The following SGK3 variants were observed in gnomAD, a reference collection of about 807,000 sequenced individuals.
SGK3 encodes the protein serine/threonine-protein kinase Sgk3.
A neutral mutation model predicts 68.5 loss-of-function variants in SGK3; 47 were observed. That is an observed-to-expected ratio of 0.69 (90% confidence interval 0.54 to 0.87). The LOEUF is 0.87. SGK3 is among the 40% of genes least tolerant of loss of function. SGK3 has a pLI of 0.00. For missense variants in SGK3, 479 were observed against 575.5 expected, an observed-to-expected ratio of 0.83 and a Z score of 1.72; for synonymous variants, 181 against 189.1, an observed-to-expected ratio of 0.96 and a Z score of 0.35.
intron 1 of SGK3, among the ~76,000 whole-genome samples, chr8:66,720,937 C>A (rs1257892033): frequency 3.3e-5 from 5 of 151,976 alleles, no homozygotes; most frequent in South Asian, 2.1e-4. Context: ...CAGAGTGAGA[C>A]CCTGTCTCAC....
intron 1 of SGK3, among the ~76,000 whole-genome samples, chr8:66,749,658 T>C (rs1256445467): frequency 6.6e-6 from 1 of 152,126 alleles, no homozygotes; most frequent in Non-Finnish European, 1.5e-5. Flanking sequence ...GGTTTGATAA[T>C]GTTATATCAA....
chr8:66,713,881 TTGGCTACCACTTCTG>T (rs1220718877), intron 1 of SGK3, among the ~76,000 whole-genome samples: 10 of 152,216 alleles, frequency 6.6e-5, no homozygotes, highest in Non-Finnish European at 1.0e-4. Context: ...TCTGGTCCCC[TTGGCTACCACTTCTG>T]TAAGACAAGC....
intron 1 of SGK3, among the ~76,000 whole-genome samples, chr8:66,756,165 C>A (rs370578932): frequency 3.7e-4 from 56 of 152,142 alleles, no homozygotes; most frequent in African/African-American, 1.3e-3. Context: ...TGTGAGGACA[C>A]AGGGAGAAGG....
chr8:66,793,911 TAG>T, intron 2 of SGK3, 79 bp downstream of exon 2: 2 of 1,434,900 alleles, frequency 1.4e-6, no homozygotes, highest in South Asian at 2.5e-5. Flanking sequence ...TTCTCCAACC[TAG>T]AACACCCCCT....
chr8:66,854,659 A>G (rs1810432160), intron 16 of SGK3, among the ~76,000 whole-genome samples: 1 of 152,168 alleles, frequency 6.6e-6, no homozygotes, highest in Non-Finnish European at 1.5e-5. Flanking sequence ...AGGGATTACT[A>G]TGAAAATACA....
chr8:66,717,476 C>T (rs1019670125), intron 1 of SGK3, among the ~76,000 whole-genome samples: 4 of 152,004 alleles, frequency 2.6e-5, no homozygotes, highest in Non-Finnish European at 5.9e-5. Context: ...TTGCAGTGAG[C>T]GAGATCGCAC....
intron 2 of SGK3, among the ~76,000 whole-genome samples, chr8:66,795,726 T>A (rs1367134664): frequency 6.6e-6 from 1 of 152,180 alleles, no homozygotes; most frequent in Non-Finnish European, 1.5e-5. Flanking sequence ...CCTATCTAAA[T>A]CACCTTATTC....
chr8:66,762,939 A>G (rs1806216840), intron 1 of SGK3, among the ~76,000 whole-genome samples: 1 of 152,258 alleles, frequency 6.6e-6, no homozygotes, highest in Non-Finnish European at 1.5e-5. Context: ...TGGCAAGAAT[A>G]CTGCATAGTG....
chr8:66,742,092 A>G (rs1805497718), intron 1 of SGK3, among the ~76,000 whole-genome samples: 1 of 152,214 alleles, frequency 6.6e-6, no homozygotes, highest in Non-Finnish European at 1.5e-5. Flanking sequence ...AGAGCCCCAG[A>G]TGCTTAAAAA....
intron 5 of SGK3, among the ~76,000 whole-genome samples, chr8:66,814,475 A>T (rs1331400021): frequency 6.6e-6 from 1 of 152,234 alleles, no homozygotes; most frequent in Non-Finnish European, 1.5e-5. Flanking sequence ...GAAAAAAAGA[A>T]GGCTTTCCAG....
chr8:66,754,514 C>T (rs1805915477), intron 1 of SGK3, among the ~76,000 whole-genome samples: 1 of 152,074 alleles, frequency 6.6e-6, no homozygotes. Context: ...TTTTGGATTT[C>T]GGGTATTTAC....
At chr8:66,836,309 G>A (rs2130710322) in intron 10 of SGK3, among the ~76,000 whole-genome samples, 1 of 152,270 alleles carries the variant, frequency 6.6e-6, no homozygotes, top group East Asian at 1.9e-4. Context: ...TGGCTTCATG[G>A]ACAGGTTTGT....
At chr8:66,745,069 C>T (rs1805614497) in intron 1 of SGK3, among the ~76,000 whole-genome samples, 1 of 151,728 alleles carries the variant, frequency 6.6e-6, no homozygotes, top group Non-Finnish European at 1.5e-5. Context: ...ATACATATAC[C>T]TTCTATCTCT....
intron 10 of SGK3, 150 bp from the exon 11 acceptor site, chr8:66,839,853 C>T: frequency 1.5e-6 from 1 of 664,820 alleles, no homozygotes; most frequent in East Asian, 2.9e-5. Context: ...AGGGGAGTCA[C>T]ATTTCTGTGC....
At chr8:66,721,061 C>T (rs1221011266) in intron 1 of SGK3, among the ~76,000 whole-genome samples, 3 of 152,210 alleles carry the variant, frequency 2.0e-5, no homozygotes, top group Admixed American at 2.0e-4. Flanking sequence ...GCACCGCCAC[C>T]AATGGTGGGA....
intron 14 of SGK3, among the ~76,000 whole-genome samples, chr8:66,843,925 CAG>C (rs1475786896): frequency 7.5e-6 from 1 of 132,586 alleles, no homozygotes; most frequent in African/African-American, 2.9e-5. Flanking sequence ...ACCCAGGAGG[CAG>C]AGTTTGCAGT....
intron 1 of SGK3, among the ~76,000 whole-genome samples, chr8:66,751,739 TCA>T (rs1418156537): frequency 4.0e-5 from 6 of 150,840 alleles, no homozygotes; most frequent in Non-Finnish European, 5.9e-5. Flanking sequence ...TAAAAATCAT[TCA>T]TTTTATTTAT....
chr8:66,770,249 C>T (rs867351839), intron 1 of SGK3, among the ~76,000 whole-genome samples: 34 of 152,290 alleles, frequency 2.2e-4, no homozygotes, highest in African/African-American at 4.3e-4. Flanking sequence ...CCACCGTGCC[C>T]GGCCCCTAGT....
At chr8:66,767,703 T>C (rs1806364287) in intron 1 of SGK3, 1 of 1,463,170 alleles carries the variant, frequency 6.8e-7, no homozygotes, top group Non-Finnish European at 9.6e-7. Flanking sequence ...GAACAGAGTT[T>C]TTTGCTTTAA....
Sources: gnomAD v4.1 joint callset for allele counts (sites outside exome capture counted in the v4.1 genomes callset) on GRCh38, gnomAD v4.1.1 for gene constraint, MANE v1.5 for transcripts, NCBI Gene and HGNC (gene_info 2026-07-23, HGNC 2026-07-21) for gene names.